MROH6: variants seen among roughly 807,000 people sequenced by gnomAD.
MROH6 encodes maestro heat-like repeat-containing protein family member 6.
A neutral mutation model predicts 67.7 loss-of-function variants in MROH6; 62 were observed. The observed-to-expected ratio is 0.92, with a 90% confidence interval of 0.75 to 1.13. The LOEUF (loss-of-function observed/expected upper bound fraction) is 1.13, where lower values mean the gene tolerates loss of function less well. MROH6 is among the 50% of genes most tolerant of loss of function. The pLI is 0.00. For missense variants in MROH6, 1,175 were observed against 1,029.1 expected, an observed-to-expected ratio of 1.14 and a Z score of -1.94; for synonymous variants, 566 against 470.8, an observed-to-expected ratio of 1.20 and a Z score of -2.62.
At chr8:143,570,176 C>T (rs1280308414) in intron 6 of MROH6, 67 bp downstream of exon 6, 34 of 1,559,296 alleles carry the variant, frequency 2.2e-5, no homozygotes, top group Non-Finnish European at 2.8e-5. Flanking sequence ...TCCCCCTGCC[C>T]AGCACCTGGC....
chr8:143,566,527 G>A lies in MROH6; in HGVS notation c.*712C>T, dbSNP rs117709970. On this transcript the variant is annotated 3_prime_UTR_variant, in exon 14 of 14. Coordinates refer to ENST00000398882, the MANE Select transcript of MROH6 (RefSeq NM_001100878.2). ...CGTTCCTCATTCAGCCCTGGGAGAG[G>A]TGTTGGGGTAGTGTCACAAGTGCTC... 1,090 of 152,410 alleles carry A rather than the reference G, an allele frequency of 7.2e-3. 72 individuals carry two copies. In the East Asian group the frequency reaches 0.13, roughly 18 times the overall value. The allele number at this position is 152,410 out of a possible 1,614,324, so 9.4% of individuals were successfully genotyped here. A position where few individuals can be genotyped will look rare whatever the true frequency, so the allele number is the denominator to read the frequency against.
chr8:143,568,326 A>G, intron 10 of MROH6, 65 bp from the exon 11 acceptor site: 1 of 1,544,368 alleles, frequency 6.5e-7, no homozygotes, highest in Non-Finnish European at 8.8e-7. Context: ...GTGGGGTGGG[A>G]AGAGGGGGAG....
chr8:143,572,387 C>A (rs759124266), intron 1 of MROH6, 34 bp downstream of exon 1: 3 of 1,520,620 alleles, frequency 2.0e-6, no homozygotes, highest in African/African-American at 2.7e-5. Flanking sequence ...ACCCCCAGGC[C>A]GGTTCGCACA....
chr8:143,567,435 G>A lies in MROH6; in HGVS notation c.1964C>T (p.Pro655Leu), dbSNP rs1292577179. Reference protein sequence around the residue: ...DLGRLQSDPKPAVAAAAHVSA... With the variant: ...DLGRLQSDPKLAVAAAAHVSA... ...CACGTGCGCTGCCGCGGCCACAGCCGGCTTGGGGTCGCTCTGCAGTCGCCC... is the reference window on the plus strand; with the variant it reads ...CACGTGCGCTGCCGCGGCCACAGCCAGCTTGGGGTCGCTCTGCAGTCGCCC... Residue 655 changes from proline to leucine, a missense_variant, in exon 14 of 14, where the codon CCG becomes CTG. Coordinates refer to ENST00000398882, the MANE Select transcript of MROH6 (RefSeq NM_001100878.2). 3.2e-5 allele frequency: 43 copies of A among 1,333,972 alleles called. No homozygotes were observed. Among genetic ancestry groups the A allele is most frequent in the South Asian group, 3.9e-5 (2 of 51,584 alleles). 82.6% of individuals were successfully genotyped at this position (1,333,972 alleles called of 1,614,324 possible). A position where few individuals can be genotyped will look rare whatever the true frequency, so the allele number is the denominator to read the frequency against.
At chr8:143,570,418 C>G in intron 5 of MROH6, 38 bp from the exon 6 acceptor site, 1 of 1,268,974 alleles carries the variant, frequency 7.9e-7, no homozygotes. Context: ...GCAGTGGGAG[C>G]TGAGAGGGTG....
chr8:143,567,161 C>G lies in MROH6; in HGVS notation c.*78G>C. On this transcript the variant is annotated 3_prime_UTR_variant, in exon 14 of 14. Transcript: ENST00000398882. Reference sequence around the variant, plus strand: ...CCAGCACCAGGCCCAGGGAGCCCCTCCGTCAGGGCGGGGACAGGCTGCTAT... The same window carrying G: ...CCAGCACCAGGCCCAGGGAGCCCCTGCGTCAGGGCGGGGACAGGCTGCTAT... The G allele has an allele frequency of 1.2e-6, 1 of 833,736 alleles. No individual in the cohort carries two copies. The allele number at this position is 833,736 out of a possible 1,614,324, so 51.6% of individuals were successfully genotyped here. A position where few individuals can be genotyped will look rare whatever the true frequency, so the allele number is the denominator to read the frequency against.
rs781715127 is a variant in MROH6, at chr8:143,570,558, G to A, written c.820C>T (p.His274Tyr). 3 of 1,609,570 alleles carry A rather than the reference G, an allele frequency of 1.9e-6. No individual in the cohort carries two copies. Among genetic ancestry groups the A allele is most frequent in the Non-Finnish European group, 2.5e-6 (3 of 1,179,848 alleles). The part of the protein sequence containing the change: ...HLLLALVTQL[H>Y]KLARSPCSPD... ...GAGCACGGGCTGCGGGCCAGCTTGT[G>A]CAGCTGTGTGACCAGCGCAAGCAGC... The change falls in exon 5 of 14, where the codon CAC becomes TAC. Residue 274 changes from histidine to tyrosine, a missense_variant. Physicochemically the swap from His to Tyr is moderately conservative, Grantham distance 83. Transcript: ENST00000398882.
At chr8:143,568,437 C>T in intron 10 of MROH6, 115 bp downstream of exon 10, 1 of 1,438,884 alleles carries the variant, frequency 6.9e-7, no homozygotes, top group Non-Finnish European at 9.2e-7. Flanking sequence ...TCACACCTGC[C>T]ACTGAGGTCC....
chr8:143,569,629 G>T lies in MROH6; in HGVS notation c.1303-15C>A. 1.3e-6 allele frequency: 2 copies of T among 1,587,100 alleles called. No individual in the cohort carries two copies. The highest frequency in any genetic ancestry group is 1.7e-6 in the Non-Finnish European group (2 of 1,165,418). On this transcript the variant is annotated splice_polypyrimidine_tract_variant and intron_variant, in intron 8 of 13. Coordinates refer to ENST00000398882, the MANE Select transcript of MROH6 (RefSeq NM_001100878.2). Reference sequence around the variant, plus strand: ...ACGTGCCGCACCTGCTGGGACTCGGGGTCAGCCTCTTGCAGACCTCGCCGC... The same window carrying T: ...ACGTGCCGCACCTGCTGGGACTCGGTGTCAGCCTCTTGCAGACCTCGCCGC...
chr8:143,569,294 G>A (rs1823844065), intron 9 of MROH6, 147 bp downstream of exon 9: 2 of 486,614 alleles, frequency 4.1e-6, no homozygotes, highest in Non-Finnish European at 3.4e-6. Flanking sequence ...CGGGGCCTGG[G>A]AGGGAGAGAC....
Position 143,569,981 on chromosome 8 carries a change from C to G in MROH6, c.1128G>C (p.Gln376His). 1 of 1,613,280 alleles carries G rather than the reference C, an allele frequency of 6.2e-7. No individual in the cohort carries two copies. The highest frequency in any genetic ancestry group is 8.5e-7 in the Non-Finnish European group (1 of 1,179,852). Residue 376 changes from glutamine to histidine, a missense_variant, in exon 7 of 14, where the codon CAG becomes CAC. Coordinates refer to ENST00000398882, the MANE Select transcript of MROH6 (RefSeq NM_001100878.2). The stretch of plus-strand genomic sequence containing the variant: ...TGAAGAAGGCCATAGCCGTGAGACG[C>G]TGCGGGTCGTCCGCGCTGCGAAGCC... The part of the protein sequence containing the change: ...LPRLRSADDP[Q>H]RLTAMAFFTG...
In MROH6 at chr8:143,567,373, C is replaced by CG. The variant is rs1187655240; in HGVS notation, c.2025_2026insC (p.Gly676ArgfsTer64). 1 of 1,234,832 alleles carries CG rather than the reference C, an allele frequency of 8.1e-7. No homozygotes were observed. The highest frequency in any genetic ancestry group is 1.0e-6 in the Non-Finnish European group (1 of 988,878). The allele number at this position is 1,234,832 out of a possible 1,614,324, so 76.5% of individuals were successfully genotyped here. Reference sequence around the variant, plus strand: ...AGAAGGCGGGGCCCGCGGGGGCAGCCCCGGGCACGGGCCAGCATCGCCACC... The same window carrying CG: ...AGAAGGCGGGGCCCGCGGGGGCAGCCGCCGGGCACGGGCCAGCATCGCCACC... On this transcript the variant is annotated frameshift_variant, in exon 14 of 14. Coordinates refer to ENST00000398882, the MANE Select transcript of MROH6 (RefSeq NM_001100878.2). LOFTEE classifies it low-confidence loss of function (END_TRUNC).
rs891016985 is a variant in MROH6 at position 143,567,412 on chromosome 8, C to G, written c.1987G>C (p.Val663Leu). 1 of 1,310,956 alleles carries G rather than the reference C, an allele frequency of 7.6e-7. No individual in the cohort carries two copies. The allele number at this position is 1,310,956 out of a possible 1,614,324, so 81.2% of individuals were successfully genotyped here. Reference sequence around the variant, plus strand: ...AGCATCGCCACCTGCTGAGCGGACACGTGCGCTGCCGCGGCCACAGCCGGC... The same window carrying G: ...AGCATCGCCACCTGCTGAGCGGACAGGTGCGCTGCCGCGGCCACAGCCGGC... Reference protein sequence around the residue: ...PKPAVAAAAHVSAQQVAMLAR... With the variant: ...PKPAVAAAAHLSAQQVAMLAR... Residue 663 changes from valine to leucine, a missense_variant, in exon 14 of 14, where the codon GTG becomes CTG. Physicochemically the swap from Val to Leu is conservative, Grantham distance 32. Coordinates refer to ENST00000398882, the MANE Select transcript of MROH6 (RefSeq NM_001100878.2).
At chr8:143,571,522 G>A in intron 3 of MROH6, 145 bp downstream of exon 3, 1 of 1,068,866 alleles carries the variant, frequency 9.4e-7, no homozygotes, top group Non-Finnish European at 1.3e-6. Flanking sequence ...GAGCGGGAAT[G>A]GATACGGGGC....
intron 3 of MROH6, 61 bp downstream of exon 3, chr8:143,571,606 G>C: frequency 1.3e-6 from 2 of 1,541,840 alleles, no homozygotes; most frequent in South Asian, 1.2e-5. Context: ...AGACTCCACC[G>C]CCAAGCGGGA....
chr8:143,569,980 G>A lies in MROH6; in HGVS notation c.1129C>T (p.Arg377Cys), dbSNP rs373718059. The change falls in exon 7 of 14, where the codon CGT (arginine) becomes TGT (cysteine). Residue 377 changes from arginine to cysteine, a missense_variant. Arg to Cys is a radical substitution (Grantham distance 180). Coordinates refer to ENST00000398882, the MANE Select transcript of MROH6 (RefSeq NM_001100878.2). ...GTGAAGAAGGCCATAGCCGTGAGAC[G>A]CTGCGGGTCGTCCGCGCTGCGAAGC... ...PRLRSADDPQ[R>C]LTAMAFFTGL... is the part of the protein sequence containing the mutation. 19 of 1,613,126 alleles carry A rather than the reference G, an allele frequency of 1.2e-5. 1 individual carries two copies. Among genetic ancestry groups the A allele is most frequent in the African/African-American group, 2.7e-5 (2 of 74,950 alleles).
Position 143,572,475 on chromosome 8 carries a change from G to A in MROH6, c.240C>T (p.Ser80=), listed in dbSNP as rs544833629. 6.8e-5 allele frequency: 109 copies of A among 1,601,760 alleles called. No individual in the cohort carries two copies. Among genetic ancestry groups the A allele is most frequent in the Non-Finnish European group, 8.7e-5 (102 of 1,176,772 alleles). The change falls in exon 1 of 14, where the codon AGC becomes AGT. Residue 80 remains serine, a synonymous_variant. Transcript: ENST00000398882. ...GRGATVPEAG[S]EPCSLNSALE... ...GGGCACTGTTGAGGGAGCAGGGCTC[G>A]CTGCCAGCTTCAGGGACGGTGGCCC...
chr8:143,568,172 G>T lies in MROH6; in HGVS notation c.1734C>A (p.Pro578=). ...ELVTVAHYDS[P]EALSHLCCRL... ...GGCAGCAGAGGTGGCTCAGGGCCTC[G>T]GGGCTGTCATAGTGGGCCACGGTGA... The change falls in exon 11 of 14, where the codon CCC becomes CCA. Residue 578 remains proline, a synonymous_variant. Transcript: ENST00000398882. The T allele has an allele frequency of 6.2e-7, 1 of 1,610,000 alleles. No homozygotes were observed. The highest frequency in any genetic ancestry group is 8.5e-7 in the Non-Finnish European group (1 of 1,178,772).
rs772566956 is a variant in MROH6 at position 143,570,477 on chromosome 8, C to G, written c.901G>C (p.Ala301Pro). ...LSHRGPPHSH[A>P]SCAVEALKAL... ...TAACCTGGTGTTGCCTCTCACCTGGCATGGCTATGTGGTGGCCCTCGGTGG... is the reference window on the plus strand; with the variant it reads ...TAACCTGGTGTTGCCTCTCACCTGGGATGGCTATGTGGTGGCCCTCGGTGG... The change falls in exon 5 of 14, where the codon GCC (alanine) becomes CCC (proline). Residue 301 changes from alanine (A) to proline (P), a missense_variant. By Grantham distance (27) the Ala-to-Pro change is conservative. Coordinates refer to ENST00000398882, the MANE Select transcript of MROH6 (RefSeq NM_001100878.2). 6.2e-7 allele frequency: 1 copy of G among 1,611,696 alleles called. No homozygotes were observed.
Sources: allele counts gnomAD v4.1 joint callset, GRCh38; gene constraint gnomAD v4.1.1; transcripts MANE v1.5; gene names NCBI Gene and HGNC (gene_info 2026-07-23, HGNC 2026-07-21).